Variants in FAM13C observed in about 807,000 individuals in gnomAD.
The protein encoded by FAM13C is family with sequence similarity 13 member C.
Under a neutral mutation model 73.2 loss-of-function variants are expected in FAM13C, and 37 were observed. The observed-to-expected ratio is 0.51, with a 90% CI of 0.39 to 0.67. The LOEUF (loss-of-function observed/expected upper bound fraction) is 0.67. Ranked by LOEUF, FAM13C falls within the 30% of genes least tolerant of loss-of-function variation. The pLI is 0.00. For synonymous variants in FAM13C, 246 were observed against 260.9 expected (o/e 0.94, Z 0.55); for missense variants, 589 against 715.6 (o/e 0.82, Z 2.02).
At chr10:59,339,071 G>A (rs957027830) in intron 3 of FAM13C, among the ~76,000 whole-genome samples, 5 of 151,922 alleles carry the variant, frequency 3.3e-5, no homozygotes, top group African/African-American at 1.2e-4. Context: ...TTGGCTTCTG[G>A]CATCATCACT....
At chr10:59,263,235 C>CT (rs1192869184) in intron 9 of FAM13C, among the ~76,000 whole-genome samples, 1 of 152,154 alleles carries the variant, frequency 6.6e-6, no homozygotes, top group East Asian at 1.9e-4. Context: ...AAAAAGCCCC[C>CT]TGAGACTTAT....
At chr10:59,342,100 T>C (rs749532314) in intron 3 of FAM13C, among the ~76,000 whole-genome samples, 76 of 152,154 alleles carry the variant, frequency 5.0e-4, no homozygotes, top group Admixed American at 1.8e-3. Context: ...AGCCTTCCTA[T>C]TGACTTGATG....
At chr10:59,286,493 C>A in intron 5 of FAM13C, among the ~76,000 whole-genome samples, 1 of 125,154 alleles carries the variant, frequency 8.0e-6, no homozygotes. Context: ...TCAGCCTGGG[C>A]AACAGAGCAA....
chr10:59,308,959 T>C (rs1160531667), intron 4 of FAM13C, among the ~76,000 whole-genome samples: 1 of 152,226 alleles, frequency 6.6e-6, no homozygotes, highest in Non-Finnish European at 1.5e-5. Context: ...CTAAGGACAG[T>C]GTCAAACTGC....
chr10:59,313,430 A>T (rs142365623), intron 4 of FAM13C, among the ~76,000 whole-genome samples: 3 of 152,320 alleles, frequency 2.0e-5, no homozygotes, highest in Admixed American at 2.0e-4. Context: ...GGCAGTAATT[A>T]CACATTGAAA....
intron 11 of FAM13C, 61 bp from the exon 12 acceptor site, chr10:59,253,059 C>A: frequency 6.5e-7 from 1 of 1,527,752 alleles, no homozygotes; most frequent in Non-Finnish European, 9.0e-7. Context: ...CTTGAGGAAA[C>A]AAAAACAGGA....
chr10:59,298,942 G>T (rs1181709797), intron 5 of FAM13C, among the ~76,000 whole-genome samples: 3 of 152,162 alleles, frequency 2.0e-5, no homozygotes, highest in Non-Finnish European at 1.5e-5. Context: ...GTAAAATAGG[G>T]TTACCAGAGG....
chr10:59,318,615 T>C (rs1849823161), intron 4 of FAM13C, among the ~76,000 whole-genome samples: 1 of 152,110 alleles, frequency 6.6e-6, no homozygotes, highest in African/African-American at 2.4e-5. Context: ...CTGGATCTCT[T>C]CATTTGAATG....
chr10:59,255,280 C>G (rs191059498), intron 10 of FAM13C, among the ~76,000 whole-genome samples: 11 of 152,162 alleles, frequency 7.2e-5, no homozygotes, highest in Non-Finnish European at 1.2e-4. Flanking sequence ...TTGGAGTTAC[C>G]AATATCCTTC....
chr10:59,247,489 A>C lies in FAM13C; in HGVS notation c.*125T>G. The C allele has an allele frequency of 8.6e-7, 1 of 1,168,702 alleles. No individual in the cohort carries two copies. The highest frequency in any genetic ancestry group is 1.2e-6 in the Non-Finnish European group (1 of 809,426). The allele number at this position is 1,168,702 out of a possible 1,614,324, so 72.4% of individuals were successfully genotyped here. A position where few individuals can be genotyped will look rare whatever the true frequency, so the allele number is the denominator to read the frequency against. On this transcript the variant is annotated 3_prime_UTR_variant, in exon 14 of 14. Coordinates refer to ENST00000618804, the MANE Select transcript of FAM13C (RefSeq NM_198215.4). ...TTAAACTTGCTATTCCTTCTTAAAA[A>C]CAGCTAATACTACCACTAAAGTGCT... is the stretch of plus-strand genomic sequence containing the variant.
chr10:59,311,928 C>T lies in FAM13C; in HGVS notation c.444-9064G>A, dbSNP rs535569885. 3.3e-5 allele frequency among the ~76,000 whole-genome samples: 5 copies of T among 152,256 alleles called. No individual in the cohort carries two copies. In the East Asian group the frequency reaches 7.7e-4, roughly 24 times the overall value. Reference sequence around the variant, plus strand: ...CCTGGGACCACCTTCCTGTACCCAGCTCCTCCTATCTATCAGAATCCACCT... The same window carrying T: ...CCTGGGACCACCTTCCTGTACCCAGTTCCTCCTATCTATCAGAATCCACCT... On this transcript the variant is annotated intron_variant, in intron 4 of 13. Coordinates refer to ENST00000618804, the MANE Select transcript of FAM13C (RefSeq NM_198215.4).
At chr10:59,330,391 G>A (rs1253114026) in intron 3 of FAM13C, among the ~76,000 whole-genome samples, 1 of 152,116 alleles carries the variant, frequency 6.6e-6, no homozygotes. Context: ...CAGTTAAAAT[G>A]TAACAGCTGG....
At chr10:59,292,575 T>C (rs72808533) in intron 5 of FAM13C, among the ~76,000 whole-genome samples, 22,653 of 152,274 alleles carry the variant, frequency 0.15, 2,043 homozygotes, top group East Asian at 0.27. Flanking sequence ...TTATTAGAAA[T>C]CAGTAAGTAT....
Position 59,246,391 on chromosome 10 carries a change from G to A in FAM13C, c.*1223C>T. ...TAGGTAAATACAGAGAAAACAATAA[G>A]CCTCTGAAATAAGTCTGTTTCTGAA... On this transcript the variant is annotated 3_prime_UTR_variant, in exon 14 of 14. Transcript: ENST00000618804. 3.2e-6 allele frequency: 1 copy of A among 315,346 alleles called. No individual in the cohort carries two copies. The highest frequency in any genetic ancestry group is 5.7e-6 in the Non-Finnish European group (1 of 174,200). 19.5% of individuals were successfully genotyped at this position (315,346 alleles called of 1,614,324 possible). A position where few individuals can be genotyped will look rare whatever the true frequency, so the allele number is the denominator to read the frequency against.
chr10:59,308,223 C>A (rs931243414), intron 4 of FAM13C, among the ~76,000 whole-genome samples: 5 of 152,136 alleles, frequency 3.3e-5, no homozygotes, highest in African/African-American at 1.2e-4. Context: ...CAGGTCCTGG[C>A]AATGAGAAAT....
At chr10:59,346,426 G>A (rs1854298613) in intron 3 of FAM13C, among the ~76,000 whole-genome samples, 1 of 152,172 alleles carries the variant, frequency 6.6e-6, no homozygotes, top group Non-Finnish European at 1.5e-5. Context: ...CACATCTACA[G>A]GGCCAAGTGG....
At chr10:59,351,166 C>T (rs940353270) in intron 3 of FAM13C, among the ~76,000 whole-genome samples, 2 of 151,782 alleles carry the variant, frequency 1.3e-5, no homozygotes, top group African/African-American at 4.8e-5. Context: ...CCCGTCTCTA[C>T]AAAGAAAATA....
At chr10:59,297,733 C>G (rs1847087506) in intron 5 of FAM13C, among the ~76,000 whole-genome samples, 1 of 152,176 alleles carries the variant, frequency 6.6e-6, no homozygotes, top group Non-Finnish European at 1.5e-5. Context: ...CCCATCCCCT[C>G]TATCTCATTC....
At position 59,340,255 on chromosome 10, in the gene FAM13C, T is replaced by G. The variant is rs1853321958; in HGVS notation, c.324+12015A>C. ...TTTTAAAAAGAGTCTGCTAAGAGTT[T>G]TATTATTTTCTGAGTTAGAATATTA... On this transcript the variant is annotated intron_variant, in intron 3 of 13. Coordinates refer to ENST00000618804, the MANE Select transcript of FAM13C (RefSeq NM_198215.4). 2.6e-5 allele frequency among the ~76,000 whole-genome samples: 4 copies of G among 152,210 alleles called. No homozygotes were observed. In the South Asian group the frequency reaches 8.3e-4, roughly 32 times the overall value.
Sources: gnomAD v4.1 joint callset for allele counts (sites outside exome capture counted in the v4.1 genomes callset) on GRCh38, gnomAD v4.1.1 for gene constraint, MANE v1.5 for transcripts, NCBI Gene and HGNC (gene_info 2026-07-23, HGNC 2026-07-21) for gene names.